The following ARHGEF10L variants were observed in gnomAD, a reference collection of about 807,000 sequenced individuals.
ARHGEF10L encodes the protein rho guanine nucleotide exchange factor 10-like protein.
ARHGEF10L carries 69 observed loss-of-function variants against 141.2 expected under a neutral mutation model. That is an observed-to-expected ratio of 0.49 (90% CI 0.40 to 0.60). ARHGEF10L has a LOEUF of 0.60. Ranked by LOEUF, ARHGEF10L falls within the 20% of genes least tolerant of loss-of-function variation. The pLI, the probability that ARHGEF10L is intolerant of heterozygous loss-of-function variation, is 0.00. For synonymous variants in ARHGEF10L, 711 were observed against 718.5 expected (o/e 0.99, Z 0.17); for missense variants, 1,482 against 1,734.3 (o/e 0.85, Z 2.58).
intron 25 of ARHGEF10L, among the ~76,000 whole-genome samples, chr1:17,659,425 G>A (rs111417877): frequency 1.2e-3 from 176 of 152,262 alleles, no homozygotes; most frequent in African/African-American, 4.0e-3. Flanking sequence ...GATTACATGC[G>A]GCCAGGTCTT....
At position 17,673,478 on chromosome 1, in the gene ARHGEF10L, C is replaced by CCCTGGGTGTAATTAGGGAGGCTCCCT. The variant is rs1173158049; in HGVS notation, c.3009+8886_3009+8911dup. Among the ~76,000 whole-genome samples the CCCTGGGTGTAATTAGGGAGGCTCCCT allele has an allele frequency of 6.6e-6, 1 of 152,128 alleles. No individual in the cohort carries two copies. The highest frequency in any genetic ancestry group is 1.9e-4 in the East Asian group (1 of 5,184). ...AGGGCTTAATGCAGTGGAGGTCAGG[C>CCCTGGGTGTAATTAGGGAGGCTCCCT]CCTGGGTGTAATTAGGGAGGCTCCC... is the stretch of plus-strand genomic sequence containing the variant. On this transcript the variant is annotated intron_variant, in intron 26 of 28. Transcript: ENST00000361221. This position sits in a 1 kb window ranked among gnomAD's most constrained non-coding sequence, Gnocchi z 4.1.
chr1:17,581,564 A>G (rs2078569712), intron 2 of ARHGEF10L, among the ~76,000 whole-genome samples: 1 of 152,016 alleles, frequency 6.6e-6, no homozygotes, highest in Non-Finnish European at 1.5e-5. Context: ...GCAGATGGTA[A>G]TGAGTGAGGG....
intron 15 of ARHGEF10L, among the ~76,000 whole-genome samples, chr1:17,630,377 A>G (rs1177758281): frequency 6.6e-6 from 1 of 152,144 alleles, no homozygotes; most frequent in Non-Finnish European, 1.5e-5. Context: ...TTCCTCTTCC[A>G]AGTTTTGGGT....
intron 1 of ARHGEF10L, among the ~76,000 whole-genome samples, chr1:17,547,399 A>G (rs2076954472): frequency 6.6e-6 from 1 of 152,172 alleles, no homozygotes; most frequent in Non-Finnish European, 1.5e-5. Context: ...TTTCTCCTTG[A>G]GAGCCTGGCC....
intron 26 of ARHGEF10L, among the ~76,000 whole-genome samples, chr1:17,685,323 C>G (rs1343612647): frequency 6.6e-6 from 1 of 152,234 alleles, no homozygotes; most frequent in Non-Finnish European, 1.5e-5. Context: ...CTGGTGCAAT[C>G]TGGCCCTACC....
At chr1:17,640,131 TACGTG>T in intron 20 of ARHGEF10L, 66 bp from the exon 21 acceptor site, 1 of 1,545,452 alleles carries the variant, frequency 6.5e-7, no homozygotes, top group Non-Finnish European at 8.8e-7. Flanking sequence ...GAGGAAGTAC[TACGTG>T]ACAGCTGGGG....
At chr1:17,513,873 A>G in the ARHGEF10L span, among the ~76,000 whole-genome samples, 1 of 151,924 alleles carries the variant, frequency 6.6e-6, no homozygotes, top group Non-Finnish European at 1.5e-5. Context: ...CAATGACACA[A>G]TCTTGGCTCA....
intron 1 of ARHGEF10L, among the ~76,000 whole-genome samples, chr1:17,570,734 G>A (rs1366030830): frequency 1.3e-5 from 2 of 152,108 alleles, no homozygotes; most frequent in African/African-American, 4.8e-5. Flanking sequence ...AATAGCCCAG[G>A]TGAGAGATGA....
At chr1:17,595,527 C>A (rs2080008410) in intron 4 of ARHGEF10L, among the ~76,000 whole-genome samples, 1 of 152,176 alleles carries the variant, frequency 6.6e-6, no homozygotes, top group Non-Finnish European at 1.5e-5. Flanking sequence ...TATGATGCCA[C>A]CTGAGGGCCG....
At chr1:17,668,441 A>C (rs1186078274) in intron 26 of ARHGEF10L, among the ~76,000 whole-genome samples, 1 of 152,246 alleles carries the variant, frequency 6.6e-6, no homozygotes, top group African/African-American at 2.4e-5. Context: ...TAGTGCAGTC[A>C]ACTCCCAGCC....
In ARHGEF10L at chr1:17,600,607, G is replaced by T. The variant is rs1312712071; in HGVS notation, c.258-1520G>T. On this transcript the variant is annotated intron_variant, in intron 4 of 28. Transcript: ENST00000361221. ...CCATTCACTAAACAGATTTTGTGTG[G>T]ATTTCATCAGTTTTCCTACTTATGT... Among the ~76,000 whole-genome samples the T allele has an allele frequency of 1.1e-4, 16 of 152,108 alleles. 1 individual carries two copies. The highest frequency in any genetic ancestry group is 1.5e-5 in the Non-Finnish European group (1 of 68,024).
chr1:17,678,531 G>T (rs141206847), intron 26 of ARHGEF10L, among the ~76,000 whole-genome samples: 5,285 of 150,384 alleles, frequency 0.035, 258 homozygotes, highest in African/African-American at 0.11. Flanking sequence ...GCGACTCTCC[G>T]GTCTCAGCCT....
the ARHGEF10L span, among the ~76,000 whole-genome samples, chr1:17,515,889 G>A: frequency 1.3e-3 from 195 of 152,302 alleles, 1 homozygote; most frequent in African/African-American, 4.4e-3. Flanking sequence ...AGATCTGCCC[G>A]CCTGAGTCAA....
the ARHGEF10L span, among the ~76,000 whole-genome samples, chr1:17,516,193 T>A: frequency 6.6e-6 from 1 of 152,178 alleles, no homozygotes; most frequent in African/African-American, 2.4e-5. Flanking sequence ...ATGCTACCAG[T>A]GGGGAAAAGC....
chr1:17,697,640 C>G lies in ARHGEF10L; in HGVS notation c.*260C>G. 1 of 629,714 alleles carries G rather than the reference C, an allele frequency of 1.6e-6. No individual in the cohort carries two copies. Among genetic ancestry groups the G allele is most frequent in the Non-Finnish European group, 2.9e-6 (1 of 340,738 alleles). The allele number at this position is 629,714 out of a possible 1,614,324, so 39.0% of individuals were successfully genotyped here. A position where few individuals can be genotyped will look rare whatever the true frequency, so the allele number is the denominator to read the frequency against. ...TAAAAGCAAAAAACACAAAACCTCA[C>G]AACTGCCTGGCAAGCCCAGTATCAC... On this transcript the variant is annotated 3_prime_UTR_variant, in exon 29 of 29. Coordinates refer to ENST00000361221, the MANE Select transcript of ARHGEF10L (RefSeq NM_018125.4). The surrounding 1 kb of genome is among the most constrained non-coding windows in gnomAD (Gnocchi z 4.8).
At chr1:17,602,269 T>C in intron 5 of ARHGEF10L, 51 bp downstream of exon 5, 4 of 1,534,418 alleles carry the variant, frequency 2.6e-6, no homozygotes, top group South Asian at 1.2e-5. Context: ...AGCTCCAGGA[T>C]ATTCTAGTCT....
At chr1:17,677,607 G>A (rs192975442) in intron 26 of ARHGEF10L, among the ~76,000 whole-genome samples, 1 of 152,204 alleles carries the variant, frequency 6.6e-6, no homozygotes, top group Admixed American at 6.5e-5. Flanking sequence ...GAGATCAGGG[G>A]GGGAGAGACC....
chr1:17,663,139 G>A (rs1033042331), intron 25 of ARHGEF10L, among the ~76,000 whole-genome samples: 40 of 152,318 alleles, frequency 2.6e-4, no homozygotes, highest in Admixed American at 1.1e-3. Flanking sequence ...CTTGGATGCC[G>A]GAGAAAATGG....
At chr1:17,550,103 G>C (rs1292732108) in intron 1 of ARHGEF10L, among the ~76,000 whole-genome samples, 1 of 152,170 alleles carries the variant, frequency 6.6e-6, no homozygotes, top group African/African-American at 2.4e-5. Flanking sequence ...ATTTGGCAGT[G>C]GAATAGGAGA....
Sources: allele counts gnomAD v4.1 joint callset (sites outside exome capture counted in the v4.1 genomes callset), GRCh38; gene constraint gnomAD v4.1.1; non-coding constraint Gnocchi (gnomAD v3.1); transcripts MANE v1.5; gene names NCBI Gene and HGNC (gene_info 2026-07-23, HGNC 2026-07-21).